Variants in ARL15 observed in about 807,000 individuals in gnomAD.
ARL15 encodes ARF like GTPase 15.
Under a neutral mutation model 25.2 loss-of-function variants are expected in ARL15, and 19 were observed. The observed-to-expected ratio is 0.75, with a 90% CI of 0.53 to 1.10. The LOEUF (loss-of-function observed/expected upper bound fraction) is 1.10, where lower values mean the gene tolerates loss of function less well. Among genes scored for constraint, ARL15 ranks in the 50% least tolerant of loss-of-function variants. The pLI is 0.00. For synonymous variants in ARL15, 94 were observed against 86.8 expected (o/e 1.08, Z -0.46); for missense variants, 220 against 246.0 (o/e 0.89, Z 0.71).
At chr5:54,024,200 G>A (rs1240244184) in intron 4 of ARL15, among the ~76,000 whole-genome samples, 1 of 152,200 alleles carries the variant, frequency 6.6e-6, no homozygotes, top group East Asian at 1.9e-4. Flanking sequence ...TTCCTGGCTT[G>A]GTTGTTGTAC....
intron 4 of ARL15, among the ~76,000 whole-genome samples, chr5:53,973,136 G>A (rs779575342): frequency 1.3e-5 from 2 of 152,118 alleles, no homozygotes; most frequent in African/African-American, 4.8e-5. Context: ...AAGCACAGCC[G>A]AGTATGAGAA....
At chr5:53,938,054 CAATT>C (rs1746409355) in intron 4 of ARL15, among the ~76,000 whole-genome samples, 1 of 152,072 alleles carries the variant, frequency 6.6e-6, no homozygotes, top group African/African-American at 2.4e-5. Context: ...CTAAAATGCT[CAATT>C]AGTTTTCTCT....
intron 4 of ARL15, among the ~76,000 whole-genome samples, chr5:54,024,600 AGCCTAT>A (rs1331385218): frequency 6.6e-6 from 1 of 152,198 alleles, no homozygotes; most frequent in Non-Finnish European, 1.5e-5. Flanking sequence ...TTCCTAAGCA[AGCCTAT>A]GAGTTACTTT....
chr5:54,055,340 G>A (rs1750833636), intron 4 of ARL15, among the ~76,000 whole-genome samples: 1 of 136,602 alleles, frequency 7.3e-6, no homozygotes, highest in South Asian at 2.4e-4. Flanking sequence ...TGTATTAGTT[G>A]CATCATCATT....
At chr5:54,017,156 A>C (rs1366054505) in intron 4 of ARL15, among the ~76,000 whole-genome samples, 5 of 152,178 alleles carry the variant, frequency 3.3e-5, no homozygotes, top group Admixed American at 6.6e-5. Context: ...GTGTGTATGG[A>C]ATCTTCATCA....
intron 1 of ARL15, among the ~76,000 whole-genome samples, chr5:54,215,106 G>C (rs933365016): frequency 6.6e-6 from 1 of 152,044 alleles, no homozygotes; most frequent in African/African-American, 2.4e-5. Flanking sequence ...GTGGGGAGGA[G>C]GCCTTTCCCT....
At chr5:53,911,767 G>A (rs1745472470) in intron 4 of ARL15, among the ~76,000 whole-genome samples, 1 of 152,032 alleles carries the variant, frequency 6.6e-6, no homozygotes, top group Non-Finnish European at 1.5e-5. Flanking sequence ...TCCCACATAT[G>A]AGTGAGAACA....
At chr5:53,933,802 C>T (rs1163125279) in intron 4 of ARL15, among the ~76,000 whole-genome samples, 2 of 152,058 alleles carry the variant, frequency 1.3e-5, no homozygotes, top group South Asian at 2.1e-4. Flanking sequence ...TAGATGATGA[C>T]GGCTGATGTT....
intron 4 of ARL15, among the ~76,000 whole-genome samples, chr5:53,932,954 A>G (rs1746237260): frequency 6.6e-6 from 1 of 152,232 alleles, no homozygotes; most frequent in Non-Finnish European, 1.5e-5. Flanking sequence ...CTCCAAATTT[A>G]CTGGGTGCAA....
intron 4 of ARL15, among the ~76,000 whole-genome samples, chr5:54,003,070 G>C (rs1435306412): frequency 6.6e-6 from 1 of 152,156 alleles, no homozygotes; most frequent in Non-Finnish European, 1.5e-5. Context: ...AACACTCTGG[G>C]CTGTACCTGA....
At chr5:54,208,333 AT>A (rs367675307) in intron 1 of ARL15, among the ~76,000 whole-genome samples, 45 of 152,248 alleles carry the variant, frequency 3.0e-4, no homozygotes, top group Middle Eastern at 3.4e-3. Context: ...ACAGGAAAAA[AT>A]TTTTTAAACT....
chr5:54,158,282 T>C (rs1754299943), intron 2 of ARL15, among the ~76,000 whole-genome samples: 1 of 152,200 alleles, frequency 6.6e-6, no homozygotes, highest in South Asian at 2.1e-4. Context: ...GCTAACTTTG[T>C]TAGGGAAGCA....
chr5:54,086,103 G>A (rs189713986), intron 4 of ARL15, among the ~76,000 whole-genome samples: 24 of 150,438 alleles, frequency 1.6e-4, no homozygotes, highest in African/African-American at 5.3e-4. Context: ...TAGTAGAGAC[G>A]GGGTTTCTCC....
chr5:54,082,374 T>C (rs964244721), intron 4 of ARL15, among the ~76,000 whole-genome samples: 2 of 152,222 alleles, frequency 1.3e-5, no homozygotes, highest in African/African-American at 4.8e-5. Flanking sequence ...ATTTTTCTCC[T>C]TATAGGTTGA....
At chr5:54,282,517 G>A (rs1758084156) in intron 1 of ARL15, 2 of 985,198 alleles carry the variant, frequency 2.0e-6, no homozygotes, top group South Asian at 4.7e-5. Flanking sequence ...TAAAGTCTGG[G>A]GCATGTGGCT....
rs184043832 is a variant in ARL15 at position 53,977,280 on chromosome 5, C to T, written c.463-90567G>A. Among the ~76,000 whole-genome samples the T allele has an allele frequency of 1.7e-3, 255 of 146,092 alleles. 2 individuals carry two copies. The East Asian group carries it at 0.026, about 15-fold the overall frequency. On this transcript the variant is annotated intron_variant, in intron 4 of 4. Coordinates refer to ENST00000504924, the MANE Select transcript of ARL15 (RefSeq NM_019087.3). ...CTGAGGCAGGAGAATGGCGTGAACCCGGGAGGCGGAGCTTGCGTGAGCCGA... is the reference window on the plus strand; with the variant it reads ...CTGAGGCAGGAGAATGGCGTGAACCTGGGAGGCGGAGCTTGCGTGAGCCGA...
rs573828700 is a variant in ARL15 at position 54,271,298 on chromosome 5, C to G, written c.48+39134G>C. 3.3e-5 allele frequency among the ~76,000 whole-genome samples: 5 copies of G among 152,294 alleles called. No individual in the cohort carries two copies. The East Asian group carries it at 9.6e-4, about 29-fold the overall frequency. Reference sequence around the variant, plus strand: ...CAGTTGTACAGTTGTCCCTCAGTATCCAAGGGGAATTGGTTCCAGGACCTC... The same window carrying G: ...CAGTTGTACAGTTGTCCCTCAGTATGCAAGGGGAATTGGTTCCAGGACCTC... On this transcript the variant is annotated intron_variant, in intron 1 of 4. Transcript: ENST00000504924.
chr5:53,932,372 C>T (rs1304777768), intron 4 of ARL15, among the ~76,000 whole-genome samples: 1 of 152,202 alleles, frequency 6.6e-6, no homozygotes, highest in Non-Finnish European at 1.5e-5. Context: ...CGCCCACCAG[C>T]CCCTAGCCCT....
intron 4 of ARL15, among the ~76,000 whole-genome samples, chr5:53,988,679 T>C (rs1458435296): frequency 6.6e-6 from 1 of 152,164 alleles, no homozygotes; most frequent in Non-Finnish European, 1.5e-5. Flanking sequence ...TTATCTGAAT[T>C]TTAATGGTAG....
Sources: allele counts gnomAD v4.1 joint callset (sites outside exome capture counted in the v4.1 genomes callset), GRCh38; gene constraint gnomAD v4.1.1; transcripts MANE v1.5; gene names NCBI Gene and HGNC (gene_info 2026-07-23, HGNC 2026-07-21).